Variants in CLVS1 observed in about 807,000 individuals in gnomAD.
The protein encoded by CLVS1 is clavesin-1.
Under a neutral mutation model 33.1 loss-of-function variants are expected in CLVS1, and 10 were observed. The observed-to-expected ratio is 0.30, with a 90% CI of 0.19 to 0.51. The LOEUF is 0.51. Among genes scored for constraint, CLVS1 ranks in the 20% least tolerant of loss-of-function variants. The probability of loss-of-function intolerance (pLI) is 0.97; values close to 1 mark genes in which losing one functional copy is unlikely to be tolerated. For synonymous variants in CLVS1, 163 were observed against 166.1 expected (o/e 0.98, Z 0.14); for missense variants, 343 against 433.4 (o/e 0.79, Z 1.85).
chr8:61,081,065 G>T (rs1805011836), intron 1 of CLVS1, among the ~76,000 whole-genome samples: 1 of 152,184 alleles, frequency 6.6e-6, no homozygotes, highest in Non-Finnish European at 1.5e-5. Flanking sequence ...TGAGAATTAA[G>T]ATTAAAAATT....
At chr8:61,162,417 A>G (rs4144413) in intron 2 of CLVS1, among the ~76,000 whole-genome samples, 52,964 of 152,162 alleles carry the variant, frequency 0.35, 12,217 homozygotes, top group Middle Eastern at 0.56. Context: ...CTGGCAGGAT[A>G]CCAAAACCAC....
At chr8:61,003,599 A>G in the CLVS1 span, among the ~76,000 whole-genome samples, 1 of 152,218 alleles carries the variant, frequency 6.6e-6, no homozygotes, top group Non-Finnish European at 1.5e-5. Flanking sequence ...CCAGTGCCTT[A>G]TGGTAGAATC....
the CLVS1 span, among the ~76,000 whole-genome samples, chr8:60,970,398 T>C: frequency 5.2e-4 from 79 of 152,366 alleles, 1 homozygote; most frequent in Admixed American, 4.1e-3. Flanking sequence ...GCCTGTTTCC[T>C]GGATCTCATT....
intron 2 of CLVS1, among the ~76,000 whole-genome samples, chr8:61,253,137 A>T (rs925861921): frequency 2.0e-5 from 3 of 152,126 alleles, no homozygotes; most frequent in African/African-American, 7.2e-5. Flanking sequence ...ATCTCTCAGC[A>T]TTTGCTTGTC....
intron 1 of CLVS1, among the ~76,000 whole-genome samples, chr8:61,124,481 T>A (rs1161694785): frequency 6.6e-6 from 1 of 152,238 alleles, no homozygotes; most frequent in Admixed American, 6.5e-5. Context: ...TGCTGATCAA[T>A]GTTTTTTTTA....
chr8:61,216,149 G>A (rs949632162), intron 2 of CLVS1, among the ~76,000 whole-genome samples: 1 of 152,136 alleles, frequency 6.6e-6, no homozygotes, highest in Non-Finnish European at 1.5e-5. Flanking sequence ...AATAAATAGT[G>A]TTGCCATCTG....
chr8:61,492,261 T>C (rs956006424), intron 5 of CLVS1, among the ~76,000 whole-genome samples: 1 of 152,240 alleles, frequency 6.6e-6, no homozygotes, highest in Admixed American at 6.5e-5. Context: ...AATTTTAATG[T>C]CTTCTTTAAC....
At chr8:61,372,099 A>G (rs1475252723) in intron 2 of CLVS1, among the ~76,000 whole-genome samples, 2 of 152,208 alleles carry the variant, frequency 1.3e-5, no homozygotes, top group Non-Finnish European at 2.9e-5. Flanking sequence ...AGAAATGTAA[A>G]TATCCATTTG....
intron 2 of CLVS1, among the ~76,000 whole-genome samples, chr8:61,337,246 A>G (rs1376548731): frequency 6.6e-6 from 1 of 152,150 alleles, no homozygotes; most frequent in Non-Finnish European, 1.5e-5. Context: ...AAGTCTGCTG[A>G]TATTTCACGT....
At chr8:61,260,735 A>C (rs1809186798) in intron 2 of CLVS1, among the ~76,000 whole-genome samples, 1 of 152,162 alleles carries the variant, frequency 6.6e-6, no homozygotes, top group Non-Finnish European at 1.5e-5. Flanking sequence ...TCCTGTGCTG[A>C]GTCTTTTGTC....
At chr8:61,495,014 C>A (rs943853872) in intron 5 of CLVS1, among the ~76,000 whole-genome samples, 1 of 152,164 alleles carries the variant, frequency 6.6e-6, no homozygotes, top group African/African-American at 2.4e-5. Flanking sequence ...ACTCACCATT[C>A]AACCATGGCA....
chr8:61,305,881 C>T (rs995265588), intron 2 of CLVS1, among the ~76,000 whole-genome samples: 5 of 152,200 alleles, frequency 3.3e-5, no homozygotes, highest in Admixed American at 1.3e-4. Flanking sequence ...CTGCAAAGGA[C>T]ATTATCTCAC....
intron 2 of CLVS1, among the ~76,000 whole-genome samples, chr8:61,171,015 T>C (rs1484090124): frequency 6.6e-6 from 1 of 152,200 alleles, no homozygotes; most frequent in Non-Finnish European, 1.5e-5. Context: ...ACTCTTTAGA[T>C]ATTAGTAGGT....
intron 3 of CLVS1, among the ~76,000 whole-genome samples, chr8:61,432,716 A>C (rs1816159763): frequency 6.6e-6 from 1 of 152,234 alleles, no homozygotes; most frequent in South Asian, 2.1e-4. Context: ...AGATATAACA[A>C]AAATCTTATA....
intron 1 of CLVS1, among the ~76,000 whole-genome samples, chr8:61,085,805 C>T (rs546306822): frequency 6.6e-6 from 1 of 150,986 alleles, no homozygotes; most frequent in South Asian, 2.1e-4. Flanking sequence ...GGGCGGATCA[C>T]GAGGTCAGGA....
chr8:61,483,747 A>G (rs1024454417), intron 5 of CLVS1, among the ~76,000 whole-genome samples: 2 of 152,240 alleles, frequency 1.3e-5, no homozygotes, highest in African/African-American at 4.8e-5. Context: ...GAGCTTATCC[A>G]CCATGATCAA....
chr8:61,388,985 C>T (rs1814194405), intron 3 of CLVS1, among the ~76,000 whole-genome samples: 2 of 152,086 alleles, frequency 1.3e-5, no homozygotes, highest in Non-Finnish European at 2.9e-5. Context: ...ATGAGATCAA[C>T]GTTTTTAAGA....
the CLVS1 span, among the ~76,000 whole-genome samples, chr8:61,039,941 T>C: frequency 6.6e-6 from 1 of 152,208 alleles, no homozygotes; most frequent in South Asian, 2.1e-4. Context: ...ATCCCATCAC[T>C]CAGGTAATGA....
chr8:61,435,892 C>T (rs970108513), intron 3 of CLVS1, among the ~76,000 whole-genome samples: 3 of 151,860 alleles, frequency 2.0e-5, no homozygotes, highest in Admixed American at 6.6e-5. Flanking sequence ...TCATCTTTCC[C>T]CTGATTGTAA....
Sources: gnomAD v4.1 joint callset for allele counts (sites outside exome capture counted in the v4.1 genomes callset) on GRCh38, gnomAD v4.1.1 for gene constraint, MANE v1.5 for transcripts, NCBI Gene and HGNC (gene_info 2026-07-23, HGNC 2026-07-21) for gene names.